The following NQO1 variants were observed in gnomAD, a reference collection of about 807,000 sequenced individuals.
The protein encoded by NQO1 is NAD(P)H quinone dehydrogenase 1.
In NQO1, 30 loss-of-function variants were observed where a neutral mutation model predicts 32.1. The ratio of observed to expected loss-of-function variants is 0.94; its 90% CI spans 0.70 to 1.27. The LOEUF (loss-of-function observed/expected upper bound fraction) is 1.27. NQO1 is among the 50% of genes most tolerant of loss of function. The pLI is 0.00. For synonymous variants in NQO1, 109 were observed against 119.7 expected (o/e 0.91, Z 0.59); for missense variants, 276 against 331.3 (o/e 0.83, Z 1.30).
chr16:69,709,590 C>T lies in NQO1; in HGVS notation c.*1386G>A, dbSNP rs931515335. On this transcript the variant is annotated 3_prime_UTR_variant, in exon 6 of 6. Transcript: ENST00000320623. ...ATCTGGTAAAGGAGGTTTTCCAGCT[C>T]GGTCCAATCCCTTCATTTTCTTGGC... 3 of 392,178 alleles carry T rather than the reference C, an allele frequency of 7.6e-6. No individual in the cohort carries two copies. Among genetic ancestry groups the T allele is most frequent in the Non-Finnish European group, 1.3e-5 (3 of 222,490 alleles). 24.3% of individuals were successfully genotyped at this position (392,178 alleles called of 1,614,324 possible).
intron 1 of NQO1, among the ~76,000 whole-genome samples, chr16:69,725,898 CA>C (rs1325391800): frequency 1.3e-5 from 2 of 148,284 alleles, no homozygotes; most frequent in East Asian, 3.9e-4. Flanking sequence ...CAAAACAAAA[CA>C]AAACAAAACC....
chr16:69,720,993 A>G (rs948648596), intron 1 of NQO1, among the ~76,000 whole-genome samples: 2 of 149,518 alleles, frequency 1.3e-5, no homozygotes, highest in African/African-American at 4.9e-5. Flanking sequence ...CTATCCTCCC[A>G]CCTCAGCCTC....
intron 1 of NQO1, among the ~76,000 whole-genome samples, chr16:69,721,678 G>A (rs755208457): frequency 6.6e-6 from 1 of 151,896 alleles, no homozygotes; most frequent in Non-Finnish European, 1.5e-5. Flanking sequence ...GTCATTAAGT[G>A]GTGAAGCTGG....
At chr16:69,724,711 AAAG>A (rs778451447) in intron 1 of NQO1, among the ~76,000 whole-genome samples, 17 of 152,112 alleles carry the variant, frequency 1.1e-4, no homozygotes, top group Admixed American at 1.0e-3. Flanking sequence ...AAAAAGAAAA[AAAG>A]AAGTATGATA....
At chr16:69,712,612 C>T (rs966580351) in intron 5 of NQO1, among the ~76,000 whole-genome samples, 1 of 152,228 alleles carries the variant, frequency 6.6e-6, no homozygotes, top group Non-Finnish European at 1.5e-5. Flanking sequence ...TATGACCATG[C>T]TTTCATCTTC....
intron 1 of NQO1, among the ~76,000 whole-genome samples, chr16:69,724,141 C>T (rs1384236374): frequency 6.6e-6 from 1 of 151,926 alleles, no homozygotes; most frequent in African/African-American, 2.4e-5. Context: ...TGGTGAAACC[C>T]CGTCTCTACT....
intron 1 of NQO1, among the ~76,000 whole-genome samples, chr16:69,725,467 T>A (rs1046324002): frequency 4.6e-5 from 7 of 152,154 alleles, no homozygotes; most frequent in Admixed American, 4.6e-4. Flanking sequence ...ACCTCTGAGT[T>A]CCCCTAGGGT....
Position 69,710,759 on chromosome 16 carries a change from C to T in NQO1, c.*217G>A, listed in dbSNP as rs2151741382. ...CTTTCTACATCTTTCCCTAAGTGGC[C>T]TCTTGAGCCCAGTCGGATTTTGGTT... On this transcript the variant is annotated 3_prime_UTR_variant, in exon 6 of 6. Coordinates refer to ENST00000320623, the MANE Select transcript of NQO1 (RefSeq NM_000903.3). 1.8e-6 allele frequency: 1 copy of T among 553,894 alleles called. No individual in the cohort carries two copies. Among genetic ancestry groups the T allele is most frequent in the African/African-American group, 1.9e-5 (1 of 53,084 alleles). The allele number at this position is 553,894 out of a possible 1,614,324, so 34.3% of individuals were successfully genotyped here. A position where few individuals can be genotyped will look rare whatever the true frequency, so the allele number is the denominator to read the frequency against.
intron 3 of NQO1, among the ~76,000 whole-genome samples, chr16:69,717,543 A>G (rs1306287408): frequency 6.6e-6 from 1 of 151,964 alleles, no homozygotes; most frequent in African/African-American, 2.4e-5. Flanking sequence ...AGGGGAGACT[A>G]AGTACCTGGA....
chr16:69,722,205 C>T (rs973180485), intron 1 of NQO1, among the ~76,000 whole-genome samples: 1 of 151,844 alleles, frequency 6.6e-6, no homozygotes, highest in African/African-American at 2.4e-5. Flanking sequence ...GCTCTGTCAC[C>T]CAGGCTGGAG....
chr16:69,711,757 G>A (rs763286874), intron 5 of NQO1, among the ~76,000 whole-genome samples: 4 of 151,546 alleles, frequency 2.6e-5, no homozygotes, highest in Admixed American at 6.6e-5. Flanking sequence ...GGGTTCAAGC[G>A]GTTCTCCTGC....
In NQO1 at chr16:69,709,840, A is replaced by G; in HGVS notation, c.*1136T>C. The G allele has an allele frequency of 2.5e-6, 1 of 398,622 alleles. No individual in the cohort carries two copies. The highest frequency in any genetic ancestry group is 4.4e-6 in the Non-Finnish European group (1 of 226,070). 24.7% of individuals were successfully genotyped at this position (398,622 alleles called of 1,614,324 possible). A position where few individuals can be genotyped will look rare whatever the true frequency, so the allele number is the denominator to read the frequency against. On this transcript the variant is annotated 3_prime_UTR_variant, in exon 6 of 6. Coordinates refer to ENST00000320623, the MANE Select transcript of NQO1 (RefSeq NM_000903.3). ...TACAATTGTACCCCAAGGTCATGGG[A>G]CTGGACCCCATCCCATAGTAAGTCA... is the stretch of plus-strand genomic sequence containing the variant.
intron 1 of NQO1, among the ~76,000 whole-genome samples, chr16:69,725,180 A>G (rs2038244588): frequency 6.6e-6 from 1 of 152,152 alleles, no homozygotes; most frequent in African/African-American, 2.4e-5. Flanking sequence ...TCCCTTTCTC[A>G]GAGATCCTGA....
chr16:69,709,515 T>C lies in NQO1; in HGVS notation c.*1461A>G, dbSNP rs915200634. The C allele has an allele frequency of 6.8e-5, 25 of 368,718 alleles. No homozygotes were observed. The highest frequency in any genetic ancestry group is 3.9e-4 in the African/African-American group (19 of 48,114). 22.8% of individuals were successfully genotyped at this position (368,718 alleles called of 1,614,324 possible). On this transcript the variant is annotated 3_prime_UTR_variant, in exon 6 of 6. Transcript: ENST00000320623. ...ATTTTCAAACTGAAACACCCAGCCGTCAGCTATTGTGGATACTGTCGAGAG... is the reference window on the plus strand; with the variant it reads ...ATTTTCAAACTGAAACACCCAGCCGCCAGCTATTGTGGATACTGTCGAGAG...
chr16:69,716,459 T>C (rs990631147), intron 3 of NQO1, among the ~76,000 whole-genome samples: 3 of 151,134 alleles, frequency 2.0e-5, no homozygotes, highest in Non-Finnish European at 4.4e-5. Flanking sequence ...ACCATTGCAC[T>C]CCAGCCTGGG....
intron 4 of NQO1, among the ~76,000 whole-genome samples, chr16:69,714,457 C>G (rs1045994434): frequency 3.3e-5 from 5 of 151,958 alleles, no homozygotes; most frequent in Admixed American, 2.0e-4. Context: ...AGGCGTGAGC[C>G]ACTGCGCCCG....
At chr16:69,723,526 G>C (rs918925321) in intron 1 of NQO1, among the ~76,000 whole-genome samples, 2 of 152,058 alleles carry the variant, frequency 1.3e-5, no homozygotes, top group Admixed American at 1.3e-4. Context: ...GGTGGGTCGC[G>C]GTGGCTCACA....
intron 5 of NQO1, among the ~76,000 whole-genome samples, chr16:69,712,801 T>C (rs1462481433): frequency 6.6e-6 from 1 of 151,990 alleles, no homozygotes; most frequent in African/African-American, 2.4e-5. Flanking sequence ...GGTCAAGTGT[T>C]TGAAACCAGC....
chr16:69,714,897 A>G (rs2038092424), intron 4 of NQO1, 67 bp downstream of exon 4: 1 of 1,103,310 alleles, frequency 9.1e-7, no homozygotes, highest in Non-Finnish European at 1.4e-6. Context: ...CAAACAAACA[A>G]ACACCCCTGC....
Sources: allele counts gnomAD v4.1 joint callset (sites outside exome capture counted in the v4.1 genomes callset), GRCh38; gene constraint gnomAD v4.1.1; transcripts MANE v1.5; gene names NCBI Gene and HGNC (gene_info 2026-07-23, HGNC 2026-07-21).